Variants in BAIAP2L1 observed in about 807,000 individuals in gnomAD.
BAIAP2L1 encodes BAR/IMD domain containing adaptor protein 2 like 1, also known as BAR/IMD domain-containing adapter protein 2-like 1.
A neutral mutation model predicts 66.3 loss-of-function variants in BAIAP2L1; 35 were observed. The ratio of observed to expected loss-of-function variants is 0.53; its 90% confidence interval spans 0.40 to 0.70. The LOEUF is 0.70. Among genes scored for constraint, BAIAP2L1 ranks in the 30% least tolerant of loss-of-function variants. BAIAP2L1 has a pLI of 0.00. For synonymous variants in BAIAP2L1, 269 were observed against 248.7 expected (o/e 1.08, Z -0.77); for missense variants, 622 against 656.9 (o/e 0.95, Z 0.58).
At chr7:98,350,456 G>C (rs1429113859) in intron 3 of BAIAP2L1, among the ~76,000 whole-genome samples, 1 of 152,094 alleles carries the variant, frequency 6.6e-6, no homozygotes, top group Admixed American at 6.5e-5. Flanking sequence ...AAGAGATTGA[G>C]ACCAGCCTGG....
chr7:98,393,391 A>G (rs1199667906), intron 1 of BAIAP2L1, among the ~76,000 whole-genome samples: 1 of 151,918 alleles, frequency 6.6e-6, no homozygotes, highest in African/African-American at 2.4e-5. Flanking sequence ...GATGAACCCT[A>G]TTTAAACTGG....
intron 5 of BAIAP2L1, among the ~76,000 whole-genome samples, chr7:98,317,976 C>A (rs1038083933): frequency 1.3e-5 from 2 of 150,970 alleles, no homozygotes; most frequent in Non-Finnish European, 3.0e-5. Context: ...CATCCTTACG[C>A]TGGCTGGGAC....
intron 2 of BAIAP2L1, among the ~76,000 whole-genome samples, chr7:98,360,921 G>A (rs953010733): frequency 6.6e-6 from 1 of 152,130 alleles, no homozygotes; most frequent in African/African-American, 2.4e-5. Context: ...CTTTTCCAGC[G>A]ACTACACACA....
rs1167915414 is a variant in BAIAP2L1 at position 98,300,234 on chromosome 7, G to T, written c.1422+3962C>A. Among the ~76,000 whole-genome samples, 4 of 139,074 alleles carry T rather than the reference G, an allele frequency of 2.9e-5. No individual in the cohort carries two copies. In the Admixed American group the frequency reaches 3.0e-4, roughly 11 times the overall value. 91.2% of individuals were successfully genotyped at this position (139,074 alleles called of 152,430 possible). A position where few individuals can be genotyped will look rare whatever the true frequency, so the allele number is the denominator to read the frequency against. On this transcript the variant is annotated intron_variant, in intron 12 of 13. Coordinates refer to ENST00000005260, the MANE Select transcript of BAIAP2L1 (RefSeq NM_018842.5). ...TCCCTGCTGGTGAGGAGGCTGTGAG[G>T]CCAGGAGGCCCAGAACACACAGCCA...
intron 1 of BAIAP2L1, among the ~76,000 whole-genome samples, chr7:98,384,241 T>C (rs1019222445): frequency 2.0e-4 from 30 of 151,356 alleles, no homozygotes; most frequent in African/African-American, 7.3e-4. Flanking sequence ...ACCAAGGCAA[T>C]TCACAGAGAC....
intron 10 of BAIAP2L1, chr7:98,307,270 T>C: frequency 8.6e-6 from 4 of 463,358 alleles, no homozygotes; most frequent in Non-Finnish European, 1.2e-5. Flanking sequence ...CACGCCTGGC[T>C]AATTTTTGTA....
chr7:98,352,279 A>G (rs1802017190), intron 3 of BAIAP2L1, among the ~76,000 whole-genome samples: 1 of 152,238 alleles, frequency 6.6e-6, no homozygotes, highest in South Asian at 2.1e-4. Context: ...GATAGCAAGT[A>G]TTAAGCAAAA....
At position 98,307,860 on chromosome 7, in the gene BAIAP2L1, G is replaced by A. The variant is rs1370693898; in HGVS notation, c.992C>T (p.Ser331Leu). The A allele has an allele frequency of 9.3e-6, 15 of 1,614,244 alleles. No individual in the cohort carries two copies. The highest frequency in any genetic ancestry group is 7.6e-6 in the Non-Finnish European group (9 of 1,180,038). Residue 331 changes from serine (S) to leucine (L), a missense_variant, in exon 10 of 14, where the codon TCG (serine) becomes TTG (leucine). By Grantham distance (145) the Ser-to-Leu change is moderately radical. Transcript: ENST00000005260. The stretch of plus-strand genomic sequence containing the variant: ...CATCATGTTCAGTCCCGTTGCAACC[G>A]AAACTGATCGCTGTAAACTGGGATC... ...SEDPSLQRSVSVATGLNMMKK... is the reference protein window; with the variant it reads ...SEDPSLQRSVLVATGLNMMKK...
chr7:98,373,951 T>C (rs1802566433), intron 1 of BAIAP2L1, among the ~76,000 whole-genome samples: 1 of 152,106 alleles, frequency 6.6e-6, no homozygotes. Context: ...TTTATTCAGT[T>C]GAGAACATTT....
intron 1 of BAIAP2L1, among the ~76,000 whole-genome samples, chr7:98,388,100 C>T (rs764844451): frequency 1.3e-5 from 2 of 152,094 alleles, no homozygotes; most frequent in African/African-American, 4.8e-5. Flanking sequence ...AGTAAACACA[C>T]GCTATGCCTA....
Position 98,400,774 on chromosome 7 carries a change from C to T in BAIAP2L1, c.51+28G>A, listed in dbSNP as rs1314303483. ...GAACCCCGAGGTGGAAAGCCCTGAC[C>T]TCCCTGAGCCCCGGGCCCTGGGCTT... On this transcript the variant is annotated intron_variant, in intron 1 of 13. Coordinates refer to ENST00000005260, the MANE Select transcript of BAIAP2L1 (RefSeq NM_018842.5). 1.9e-6 allele frequency: 3 copies of T among 1,548,900 alleles called. No individual in the cohort carries two copies. The South Asian group carries it at 3.6e-5, about 18-fold the overall frequency.
intron 3 of BAIAP2L1, among the ~76,000 whole-genome samples, chr7:98,350,776 T>C (rs1418667067): frequency 6.6e-6 from 1 of 152,016 alleles, no homozygotes; most frequent in Non-Finnish European, 1.5e-5. Flanking sequence ...CCTTCCCAAA[T>C]AGAAACAGAC....
intron 1 of BAIAP2L1, among the ~76,000 whole-genome samples, chr7:98,375,742 CAAAAAAAAA>C (rs372282399): frequency 6.8e-5 from 4 of 59,086 alleles, no homozygotes; most frequent in East Asian, 9.9e-4. Context: ...AAGTCCATCT[CAAAAAAAAA>C]AAAAAAAAAA....
chr7:98,361,625 G>C (rs745371593), intron 2 of BAIAP2L1, among the ~76,000 whole-genome samples: 1 of 152,094 alleles, frequency 6.6e-6, no homozygotes, highest in Non-Finnish European at 1.5e-5. Context: ...CACAAAGACA[G>C]GCCAATAGCA....
intron 2 of BAIAP2L1, 186 bp from the exon 3 acceptor site, chr7:98,355,314 G>A: frequency 1.7e-6 from 1 of 601,276 alleles, no homozygotes; most frequent in Non-Finnish European, 3.0e-6. Context: ...CTCCAGCCAA[G>A]GGACAGCCCC....
chr7:98,304,437 T>C, intron 11 of BAIAP2L1, 61 bp from the exon 12 acceptor site: 3 of 1,552,378 alleles, frequency 1.9e-6, no homozygotes, highest in African/African-American at 1.4e-5. Flanking sequence ...ACCCCAAACA[T>C]CCTCTGTGTC....
At chr7:98,389,348 TCA>T (rs1802972331) in intron 1 of BAIAP2L1, among the ~76,000 whole-genome samples, 1 of 152,000 alleles carries the variant, frequency 6.6e-6, no homozygotes, top group Non-Finnish European at 1.5e-5. Context: ...AGACAGAGTC[TCA>T]CTCTGTCACC....
intron 10 of BAIAP2L1, 173 bp from the exon 11 acceptor site, chr7:98,306,689 C>CATTGTTCAGTGTATG: frequency 3.2e-6 from 3 of 948,594 alleles, no homozygotes; most frequent in Non-Finnish European, 4.6e-6. Context: ...TTCACATACA[C>CATTGTTCAGTGTATG]TGAACAATGT....
At chr7:98,398,250 G>T (rs748479737) in intron 1 of BAIAP2L1, among the ~76,000 whole-genome samples, 2 of 152,118 alleles carry the variant, frequency 1.3e-5, no homozygotes, top group Non-Finnish European at 2.9e-5. Context: ...AACACTGCCA[G>T]ATTTTTGCCA....
Sources: allele counts gnomAD v4.1 joint callset (sites outside exome capture counted in the v4.1 genomes callset), GRCh38; gene constraint gnomAD v4.1.1; transcripts MANE v1.5; gene names NCBI Gene and HGNC (gene_info 2026-07-23, HGNC 2026-07-21).